Variants in TPTE observed in about 807,000 individuals in gnomAD.
TPTE encodes transmembrane phosphatase with tensin homology.
TPTE carries 59 observed loss-of-function variants against 84.1 expected under a neutral mutation model. The observed-to-expected ratio is 0.70, with a 90% CI of 0.57 to 0.87. The LOEUF (loss-of-function observed/expected upper bound fraction) is 0.87, where lower values mean the gene tolerates loss of function less well. TPTE is among the 40% of genes least tolerant of loss of function. TPTE has a pLI of 0.00. For missense variants in TPTE, 382 were observed against 659.6 expected (o/e 0.58, Z 4.61); for synonymous variants, 130 against 223.5 (o/e 0.58, Z 3.73).
chr21:10,597,691 A>T (rs1217998922), intron 20 of TPTE, among the ~76,000 whole-genome samples: 5 of 152,310 alleles, frequency 3.3e-5, no homozygotes, highest in Non-Finnish European at 4.4e-5. Context: ...CTAGGATTAC[A>T]GGTATGAGCC....
At chr21:10,558,591 C>T (rs954884457) in intron 8 of TPTE, among the ~76,000 whole-genome samples, 3 of 152,310 alleles carry the variant, frequency 2.0e-5, no homozygotes, top group African/African-American at 7.2e-5. Context: ...ATTGTCAGTG[C>T]CCCAGTTCTG....
chr21:10,527,568 ATTGT>A (rs1265997334), intron 3 of TPTE, among the ~76,000 whole-genome samples, 156 bp downstream of exon 3: 1 of 152,310 alleles, frequency 6.6e-6, no homozygotes, highest in African/African-American at 2.4e-5. Flanking sequence ...GTACTCAAAG[ATTGT>A]TTGTGACTCT....
intron 3 of TPTE, among the ~76,000 whole-genome samples, chr21:10,536,493 A>AAT (rs1325879288): frequency 6.6e-5 from 10 of 152,416 alleles, no homozygotes; most frequent in African/African-American, 2.4e-4. Context: ...TGAATTATAA[A>AAT]ATATATATAC....
intron 17 of TPTE, among the ~76,000 whole-genome samples, chr21:10,578,985 C>T (rs535690338): frequency 1.1e-3 from 163 of 152,094 alleles, no homozygotes; most frequent in African/African-American, 3.9e-3. Flanking sequence ...TTTAAATTAA[C>T]AAATAAAAAA....
intron 14 of TPTE, among the ~76,000 whole-genome samples, chr21:10,575,423 G>T (rs2075130606): frequency 6.6e-6 from 1 of 152,310 alleles, no homozygotes; most frequent in African/African-American, 2.4e-5. Flanking sequence ...GGTCAACTCA[G>T]CCATTCCAAC....
At chr21:10,522,257 C>T (rs2073994084) in intron 1 of TPTE, among the ~76,000 whole-genome samples, 1 of 152,296 alleles carries the variant, frequency 6.6e-6, no homozygotes, top group African/African-American at 2.4e-5. Flanking sequence ...GCGGGCGATC[C>T]CGGGCTGCAT....
chr21:10,570,412 T>A, intron 13 of TPTE, 73 bp from the exon 14 acceptor site: 1 of 1,610,016 alleles, frequency 6.2e-7, no homozygotes, highest in Non-Finnish European at 8.5e-7. Flanking sequence ...TCTGATCATG[T>A]ATAAATTAAT....
chr21:10,547,029 TAG>T (rs1441325437), intron 7 of TPTE, among the ~76,000 whole-genome samples: 3 of 152,306 alleles, frequency 2.0e-5, no homozygotes, highest in African/African-American at 7.2e-5. Flanking sequence ...CTTTTATATT[TAG>T]AGAGGAGAAG....
intron 14 of TPTE, among the ~76,000 whole-genome samples, chr21:10,573,252 GTCATTTTATAATAATAAAGAGA>G: frequency 6.6e-6 from 1 of 152,308 alleles, no homozygotes; most frequent in Non-Finnish European, 1.5e-5. Context: ...GACAAAGAAG[GTCATTTTATAATAATAAAGAGA>G]TCAACTTAGC....
chr21:10,536,851 A>AT, intron 3 of TPTE, among the ~76,000 whole-genome samples: 1 of 152,312 alleles, frequency 6.6e-6, no homozygotes, highest in East Asian at 1.9e-4. Flanking sequence ...TGTATGAGAC[A>AT]TACTAGAGTG....
At chr21:10,563,634 T>TA (rs2074852338) in intron 10 of TPTE, among the ~76,000 whole-genome samples, 1 of 152,306 alleles carries the variant, frequency 6.6e-6, no homozygotes, top group Admixed American at 6.5e-5. Flanking sequence ...AACCAAAAAA[T>TA]ATAACAATGG....
chr21:10,589,938 TG>T (rs1176372578), intron 17 of TPTE, among the ~76,000 whole-genome samples: 3 of 152,308 alleles, frequency 2.0e-5, no homozygotes, highest in African/African-American at 7.2e-5. Context: ...TCTGCCATCT[TG>T]GAAAAAACAT....
At chr21:10,597,307 G>A (rs1292180608) in intron 20 of TPTE, among the ~76,000 whole-genome samples, 54 of 152,302 alleles carry the variant, frequency 3.5e-4, no homozygotes, top group African/African-American at 1.3e-3. Context: ...TTAAACGACA[G>A]TATTTATTAT....
chr21:10,533,664 C>T (rs1442910522), intron 3 of TPTE, among the ~76,000 whole-genome samples: 1 of 152,308 alleles, frequency 6.6e-6, no homozygotes, highest in East Asian at 1.9e-4. Context: ...TAGTCAGTCT[C>T]ACTGAAATCT....
chr21:10,527,677 G>A (rs1429087914), intron 3 of TPTE, among the ~76,000 whole-genome samples: 1 of 152,312 alleles, frequency 6.6e-6, no homozygotes, highest in East Asian at 1.9e-4. Flanking sequence ...AATCCTACTT[G>A]GAGAAAGAAG....
intron 2 of TPTE, among the ~76,000 whole-genome samples, chr21:10,526,271 G>A (rs1332940073): frequency 7.9e-5 from 12 of 152,410 alleles, no homozygotes; most frequent in Admixed American, 7.8e-4. Flanking sequence ...CTAACGAGAT[G>A]CGATAATTTG....
At chr21:10,579,608 A>C (rs1301169446) in intron 17 of TPTE, among the ~76,000 whole-genome samples, 1 of 152,308 alleles carries the variant, frequency 6.6e-6, no homozygotes, top group Non-Finnish European at 1.5e-5. Context: ...TGACTTTTTT[A>C]GATTCCACAA....
At chr21:10,559,028 G>C (rs1283397284) in intron 8 of TPTE, among the ~76,000 whole-genome samples, 1 of 152,312 alleles carries the variant, frequency 6.6e-6, no homozygotes, top group Non-Finnish European at 1.5e-5. Flanking sequence ...TGTCTAGTTC[G>C]AGGAGATGAC....
At position 10,533,106 on chromosome 21, in the gene TPTE, T is replaced by C. The variant is rs1408064362; in HGVS notation, c.-43-5575T>C. Among the ~76,000 whole-genome samples the C allele has an allele frequency of 3.9e-5, 6 of 152,430 alleles. No individual in the cohort carries two copies. The South Asian group carries it at 1.0e-3, about 26-fold the overall frequency. On this transcript the variant is annotated intron_variant, in intron 3 of 23. Transcript: ENST00000618007. The stretch of plus-strand genomic sequence containing the variant: ...ATTCTAGATGTTAGATAGCTGTTTT[T>C]ATCCTCCATAACATTCTTCTTTAGT...
Sources: gnomAD v4.1 joint callset for allele counts (sites outside exome capture counted in the v4.1 genomes callset) on GRCh38, gnomAD v4.1.1 for gene constraint, MANE v1.5 for transcripts, NCBI Gene and HGNC (gene_info 2026-07-23, HGNC 2026-07-21) for gene names.